MEF2C: variants seen among roughly 807,000 people sequenced by gnomAD.
The protein encoded by MEF2C is myocyte enhancer factor 2C.
Under a neutral mutation model 50.5 loss-of-function variants are expected in MEF2C, and 6 were observed. The observed-to-expected ratio is 0.12, with a 90% confidence interval of 0.07 to 0.23. MEF2C has a LOEUF of 0.23. MEF2C is among the 10% of genes least tolerant of loss of function. MEF2C has a pLI of 1.00. For synonymous variants in MEF2C, 183 were observed against 228.0 expected, an observed-to-expected ratio of 0.80 and a Z score of 1.78; for missense variants, 276 against 605.0, an observed-to-expected ratio of 0.46 and a Z score of 5.70.
chr5:88,844,674 C>T, intron 1 of MEF2C: 6 of 649,348 alleles, frequency 9.2e-6, no homozygotes, highest in Non-Finnish European at 1.1e-5. Context: ...TCTTAATGCA[C>T]TTCTATTTAA....
At chr5:88,775,619 C>CA (rs1784399590) in intron 3 of MEF2C, 1 of 169,436 alleles carries the variant, frequency 5.9e-6, no homozygotes, top group Non-Finnish European at 1.2e-5. Flanking sequence ...AAATTCATCT[C>CA]AATTTATTTT....
At chr5:88,858,391 G>A (rs754316139) in intron 1 of MEF2C, among the ~76,000 whole-genome samples, 1 of 152,184 alleles carries the variant, frequency 6.6e-6, no homozygotes, top group Non-Finnish European at 1.5e-5. Context: ...GGAATAAAGG[G>A]GGTGACAGAA....
chr5:88,794,591 T>G (rs1362437881), intron 3 of MEF2C, among the ~76,000 whole-genome samples: 1 of 152,224 alleles, frequency 6.6e-6, no homozygotes, highest in Non-Finnish European at 1.5e-5. Context: ...TTCTTTGGGT[T>G]GCCTGTTCAC....
chr5:88,810,648 T>G (rs1368844057), intron 2 of MEF2C, among the ~76,000 whole-genome samples: 1 of 152,150 alleles, frequency 6.6e-6, no homozygotes, highest in Non-Finnish European at 1.5e-5. Flanking sequence ...TTTAGCTGAT[T>G]TAAATATGGC....
intron 3 of MEF2C, among the ~76,000 whole-genome samples, chr5:88,792,906 G>C (rs1794432049): frequency 6.6e-6 from 1 of 152,224 alleles, no homozygotes; most frequent in East Asian, 1.9e-4. Context: ...GCAACGTTAT[G>C]CCACATGATA....
chr5:88,731,938 T>A, intron 6 of MEF2C, 37 bp from the exon 7 acceptor site: 1 of 1,578,140 alleles, frequency 6.3e-7, no homozygotes, highest in Non-Finnish European at 8.6e-7. Flanking sequence ...TAGGAAGAAA[T>A]CTAGGTCAAA....
intron 1 of MEF2C, among the ~76,000 whole-genome samples, chr5:88,845,146 G>A (rs1048274976): frequency 9.8e-5 from 15 of 152,312 alleles, no homozygotes; most frequent in African/African-American, 3.1e-4. Context: ...TGAACTGCAT[G>A]TAAAAGTTGA....
At chr5:88,862,897 C>T (rs914911478) in intron 1 of MEF2C, among the ~76,000 whole-genome samples, 3 of 152,222 alleles carry the variant, frequency 2.0e-5, no homozygotes, top group African/African-American at 2.4e-5. Flanking sequence ...ACCATCTTCA[C>T]GGCTTCATTA....
At chr5:88,783,166 T>C (rs1461953370) in intron 3 of MEF2C, among the ~76,000 whole-genome samples, 1 of 152,176 alleles carries the variant, frequency 6.6e-6, no homozygotes, top group Non-Finnish European at 1.5e-5. Flanking sequence ...CTTGATGACA[T>C]GGTATCAGGA....
chr5:88,797,631 T>G (rs1796592320), intron 3 of MEF2C, among the ~76,000 whole-genome samples: 1 of 152,070 alleles, frequency 6.6e-6, no homozygotes, highest in Non-Finnish European at 1.5e-5. Context: ...ATTGGGGCAT[T>G]TAGCCCATTT....
intron 6 of MEF2C, chr5:88,742,629 C>A (rs1767374696): frequency 1.0e-6 from 1 of 985,134 alleles, no homozygotes; most frequent in Non-Finnish European, 1.2e-6. Context: ...TTTTTTTCCT[C>A]TGGAAATCAA....
At chr5:88,875,364 A>G (rs573027151) in intron 1 of MEF2C, among the ~76,000 whole-genome samples, 10 of 152,140 alleles carry the variant, frequency 6.6e-5, no homozygotes, top group African/African-American at 2.4e-4. Context: ...AGCACCACAC[A>G]TTGTGGTGGA....
chr5:88,800,881 C>A (rs538084964), intron 3 of MEF2C, among the ~76,000 whole-genome samples: 1 of 152,040 alleles, frequency 6.6e-6, no homozygotes. Flanking sequence ...TATATTGTAT[C>A]TAAACAGATA....
intron 9 of MEF2C, 106 bp downstream of exon 9, chr5:88,729,112 G>T: frequency 7.7e-7 from 1 of 1,299,094 alleles, no homozygotes; most frequent in Admixed American, 2.0e-5. Context: ...TGTGGACGGC[G>T]CAGGCCCTAA....
At chr5:88,749,352 A>C (rs1427050505) in intron 5 of MEF2C, 8 of 984,484 alleles carry the variant, frequency 8.1e-6, no homozygotes, top group Non-Finnish European at 9.6e-6. Flanking sequence ...GTTACATTTA[A>C]AAAAATCCAG....
chr5:88,740,732 G>T, intron 6 of MEF2C: 2 of 984,134 alleles, frequency 2.0e-6, no homozygotes, highest in Admixed American at 6.2e-5. Flanking sequence ...TTACTGAAGG[G>T]ATAGTTTTTA....
chr5:88,767,377 C>A (rs910204092), intron 3 of MEF2C, among the ~76,000 whole-genome samples: 2 of 151,338 alleles, frequency 1.3e-5, no homozygotes, highest in African/African-American at 4.8e-5. Flanking sequence ...CCCTGTAGTA[C>A]CATAGTCCCT....
At chr5:88,796,452 G>A (rs186217997) in intron 3 of MEF2C, among the ~76,000 whole-genome samples, 2 of 152,156 alleles carry the variant, frequency 1.3e-5, no homozygotes, top group East Asian at 3.9e-4. Flanking sequence ...TTCTTTAATG[G>A]TAGTTTGTAT....
intron 1 of MEF2C, among the ~76,000 whole-genome samples, chr5:88,836,916 T>G (rs1815340827): frequency 6.7e-6 from 1 of 149,358 alleles, no homozygotes; most frequent in African/African-American, 2.5e-5. Context: ...TTTCCTTTCC[T>G]TAGAGATCCC....
Sources: gnomAD v4.1 joint callset for allele counts (sites outside exome capture counted in the v4.1 genomes callset) on GRCh38, gnomAD v4.1.1 for gene constraint, MANE v1.5 for transcripts, NCBI Gene and HGNC (gene_info 2026-07-23, HGNC 2026-07-21) for gene names.